DNAJC12: variants seen among roughly 807,000 people sequenced by gnomAD.
The protein encoded by DNAJC12 is dnaJ homolog subfamily C member 12.
DNAJC12 carries 25 observed loss-of-function variants against 28.5 expected under a neutral mutation model. The observed-to-expected ratio is 0.88, with a 90% CI of 0.64 to 1.22. The LOEUF is 1.22. Among genes scored for constraint, DNAJC12 ranks in the 50% most tolerant of loss-of-function variants. The probability of loss-of-function intolerance (pLI) is 0.00; values close to 1 mark genes in which losing one functional copy is unlikely to be tolerated. For missense variants in DNAJC12, 222 were observed against 231.7 expected (o/e 0.96, Z 0.27); for synonymous variants, 77 against 80.6 (o/e 0.95, Z 0.24).
intron 2 of DNAJC12, among the ~76,000 whole-genome samples, chr10:67,820,773 T>C (rs1239734689): frequency 1.4e-5 from 2 of 142,762 alleles, no homozygotes; most frequent in African/African-American, 5.1e-5. Flanking sequence ...CATTTTCTTT[T>C]TTCCTTTTTT....
intron 4 of DNAJC12, among the ~76,000 whole-genome samples, chr10:67,799,573 G>A (rs527584270): frequency 6.6e-6 from 1 of 152,248 alleles, no homozygotes; most frequent in East Asian, 1.9e-4. Context: ...GTAAGTAAGT[G>A]TCATTTTTGT....
intron 4 of DNAJC12, among the ~76,000 whole-genome samples, chr10:67,798,684 A>G (rs1216482324): frequency 6.6e-6 from 1 of 152,122 alleles, no homozygotes; most frequent in Non-Finnish European, 1.5e-5. Flanking sequence ...TCTCTCAAAA[A>G]ACAAACAGAT....
intron 2 of DNAJC12, among the ~76,000 whole-genome samples, chr10:67,819,603 C>T (rs1841951120): frequency 6.7e-6 from 1 of 149,134 alleles, no homozygotes; most frequent in Non-Finnish European, 1.5e-5. Flanking sequence ...CATGCCACGG[C>T]CCTCCAGCCT....
chr10:67,811,707 A>G lies in DNAJC12; in HGVS notation c.158-44T>C. 2.5e-6 allele frequency: 4 copies of G among 1,589,502 alleles called. No homozygotes were observed. In the African/African-American group the frequency reaches 5.4e-5, roughly 21 times the overall value. ...AATGAGCACTTCTCTCTCGGAGAGG[A>G]TATTTTAAACTCCAAAACTATCCAA... On this transcript the variant is annotated intron_variant, in intron 2 of 4. Transcript: ENST00000225171.
intron 4 of DNAJC12, among the ~76,000 whole-genome samples, chr10:67,801,393 C>G (rs568073811): frequency 6.6e-6 from 1 of 152,150 alleles, no homozygotes; most frequent in East Asian, 1.9e-4. Context: ...AGCTTTAAGG[C>G]ACTAGTCAGA....
chr10:67,817,898 A>C (rs546936293), intron 2 of DNAJC12, among the ~76,000 whole-genome samples: 52 of 150,746 alleles, frequency 3.4e-4, no homozygotes, highest in Non-Finnish European at 1.5e-4. Context: ...TAAAAAATAA[A>C]AAAAGAGATT....
At position 67,815,524 on chromosome 10, in the gene DNAJC12, A is replaced by AAG. The variant is rs1554884542; in HGVS notation, c.158-3862_158-3861insCT. On this transcript the variant is annotated intron_variant, in intron 2 of 4. Transcript: ENST00000225171. The stretch of plus-strand genomic sequence containing the variant: ...ACTTCGTCTCAAAAAAAAAAAAAAA[A>AAG]AAAGAAAAGAAAAAAAAAGATGGGG... 9.3e-5 allele frequency among the ~76,000 whole-genome samples: 14 copies of AAG among 150,270 alleles called. No individual in the cohort carries two copies. The East Asian group carries it at 1.4e-3, about 15-fold the overall frequency.
At chr10:67,806,873 T>G (rs1378556158) in intron 3 of DNAJC12, among the ~76,000 whole-genome samples, 1 of 151,234 alleles carries the variant, frequency 6.6e-6, no homozygotes, top group African/African-American at 2.4e-5. Context: ...CACCAAAATA[T>G]AACTGTAGTT....
chr10:67,828,674 C>CTCTCTA (rs748678411), intron 1 of DNAJC12, among the ~76,000 whole-genome samples: 1 of 150,538 alleles, frequency 6.6e-6, no homozygotes, highest in South Asian at 2.1e-4. Context: ...CTCTCTCTCT[C>CTCTCTA]TATATATATA....
At chr10:67,799,699 A>T (rs1167536335) in intron 4 of DNAJC12, among the ~76,000 whole-genome samples, 1 of 152,124 alleles carries the variant, frequency 6.6e-6, no homozygotes, top group African/African-American at 2.4e-5. Flanking sequence ...CCTGACCAAC[A>T]TGGTGAAACC....
chr10:67,814,289 G>A (rs1251462765), intron 2 of DNAJC12, among the ~76,000 whole-genome samples: 1 of 151,910 alleles, frequency 6.6e-6, no homozygotes, highest in Non-Finnish European at 1.5e-5. Context: ...AATGGTGCTA[G>A]GATAACTAAA....
chr10:67,797,319 G>A (rs910040405), intron 4 of DNAJC12, 109 bp from the exon 5 acceptor site: 7 of 787,278 alleles, frequency 8.9e-6, no homozygotes, highest in African/African-American at 3.5e-5. Flanking sequence ...ACAATGTAAG[G>A]GTAAGACTTT....
chr10:67,830,885 C>T (rs1296442404), intron 1 of DNAJC12, among the ~76,000 whole-genome samples: 1 of 151,990 alleles, frequency 6.6e-6, no homozygotes, highest in Non-Finnish European at 1.5e-5. Flanking sequence ...TACAAAAATA[C>T]ACATATAAAT....
chr10:67,811,750 A>G (rs1841863260), intron 2 of DNAJC12, 87 bp from the exon 3 acceptor site: 1 of 1,521,564 alleles, frequency 6.6e-7, no homozygotes, highest in Non-Finnish European at 8.8e-7. Flanking sequence ...TACTAAAACC[A>G]TGACTGCCAC....
intron 1 of DNAJC12, among the ~76,000 whole-genome samples, chr10:67,834,798 G>A (rs993359742): frequency 6.6e-6 from 1 of 152,038 alleles, no homozygotes; most frequent in Admixed American, 6.6e-5. Context: ...TCCAGCCTGG[G>A]CAACACAGTG....
intron 1 of DNAJC12, among the ~76,000 whole-genome samples, chr10:67,830,468 C>G (rs2131814641): frequency 6.6e-6 from 1 of 150,924 alleles, no homozygotes; most frequent in East Asian, 2.0e-4. Flanking sequence ...ATTAGCTGGG[C>G]GTGGTGGCAG....
intron 2 of DNAJC12, among the ~76,000 whole-genome samples, chr10:67,817,430 G>A (rs967877223): frequency 6.6e-6 from 1 of 152,176 alleles, no homozygotes; most frequent in Admixed American, 6.6e-5. Context: ...ACTATATTTA[G>A]TGGACGAAAA....
At chr10:67,819,761 A>AGGAG (rs1564863540) in intron 2 of DNAJC12, among the ~76,000 whole-genome samples, 1 of 16,092 alleles carries the variant, frequency 6.2e-5, no homozygotes, top group African/African-American at 1.8e-4. Context: ...GAAGGAAGGA[A>AGGAG]GGAAGGAAGG....
chr10:67,811,710 T>A, intron 2 of DNAJC12, 47 bp from the exon 3 acceptor site: 1 of 1,586,976 alleles, frequency 6.3e-7, no homozygotes, highest in Non-Finnish European at 8.6e-7. Context: ...GGAGAGGATA[T>A]TTTAAACTCC....
Sources: allele counts gnomAD v4.1 joint callset (sites outside exome capture counted in the v4.1 genomes callset), GRCh38; gene constraint gnomAD v4.1.1; transcripts MANE v1.5; gene names NCBI Gene and HGNC (gene_info 2026-07-23, HGNC 2026-07-21).